MAML3: variants seen among roughly 807,000 people sequenced by gnomAD.
MAML3 encodes the protein mastermind-like protein 3.
A neutral mutation model predicts 101.9 loss-of-function variants in MAML3; 27 were observed. The observed-to-expected ratio is 0.27, with a 90% CI of 0.20 to 0.37. The LOEUF is 0.37. Ranked by LOEUF, MAML3 falls within the 10% of genes least tolerant of loss-of-function variation. The pLI is 1.00. For missense variants in MAML3, 1,316 were observed against 1,444.9 expected, an observed-to-expected ratio of 0.91 and a Z score of 1.45; for synonymous variants, 501 against 555.9, an observed-to-expected ratio of 0.90 and a Z score of 1.39.
intron 1 of MAML3, among the ~76,000 whole-genome samples, chr4:140,024,023 C>G (rs751923443): frequency 3.7e-4 from 57 of 152,142 alleles, no homozygotes; most frequent in Non-Finnish European, 7.1e-4. Context: ...ACAGCAATAG[C>G]TAACACTCAT....
chr4:139,817,128 G>C (rs1271434424), intron 2 of MAML3, among the ~76,000 whole-genome samples: 2 of 152,148 alleles, frequency 1.3e-5, no homozygotes, highest in African/African-American at 2.4e-5. Flanking sequence ...TGGAAATCAA[G>C]ATCTGCCATA....
Position 139,739,679 on chromosome 4 carries a change from G to GTTTCTTTT in MAML3, c.2080-9013_2080-9012insAAAAGAAA, listed in dbSNP as rs200037455. Among the ~76,000 whole-genome samples, 10 of 132,358 alleles carry GTTTCTTTT rather than the reference G, an allele frequency of 7.6e-5. 1 individual carries two copies. The highest frequency in any genetic ancestry group is 5.7e-5 in the African/African-American group (2 of 35,302). 86.8% of individuals were successfully genotyped at this position (132,358 alleles called of 152,430 possible). ...TTAAGAAAGGCAGGGGAGGAAAGCAGTTTTTTTTTTTTTTTCTTTTATGTC... is the reference window on the plus strand; with the variant it reads ...TTAAGAAAGGCAGGGGAGGAAAGCAGTTTCTTTTTTTTTTTTTTTTTTTCTTTTATGTC... On this transcript the variant is annotated intron_variant, in intron 2 of 4. Coordinates refer to ENST00000509479, the MANE Select transcript of MAML3 (RefSeq NM_018717.5).
At chr4:139,994,525 T>G (rs1357360261) in intron 1 of MAML3, among the ~76,000 whole-genome samples, 7 of 152,030 alleles carry the variant, frequency 4.6e-5, no homozygotes. Context: ...TGGAGTAAGG[T>G]GGTGCATGCC....
chr4:140,107,470 T>G (rs1378661110), intron 1 of MAML3, among the ~76,000 whole-genome samples: 1 of 152,008 alleles, frequency 6.6e-6, no homozygotes, highest in African/African-American at 2.4e-5. Flanking sequence ...ATATGTCCTC[T>G]TATTTAGGGT....
intron 1 of MAML3, among the ~76,000 whole-genome samples, chr4:140,001,423 C>A (rs1186983590): frequency 6.6e-6 from 1 of 152,156 alleles, no homozygotes; most frequent in Non-Finnish European, 1.5e-5. Flanking sequence ...TTAAAACATA[C>A]CCCCAAGAGG....
At chr4:139,800,482 T>C (rs186628921) in intron 2 of MAML3, among the ~76,000 whole-genome samples, 90 of 152,282 alleles carry the variant, frequency 5.9e-4, no homozygotes, top group South Asian at 2.1e-3. Context: ...AAAAGAGAAA[T>C]TCATCACTTA....
In MAML3 at chr4:139,802,808, C is replaced by T. The variant is rs1730632087; in HGVS notation, c.2080-72141G>A. 1.3e-5 allele frequency among the ~76,000 whole-genome samples: 2 copies of T among 152,156 alleles called. 1 individual carries two copies. The highest frequency in any genetic ancestry group is 4.1e-4 in the South Asian group (2 of 4,832). ...AATGAAGACAATCATTCCTTCTTAA[C>T]AGGACTGTTGAGAGGATTAAATAAG... On this transcript the variant is annotated intron_variant, in intron 2 of 4. Transcript: ENST00000509479.
chr4:139,927,023 G>C (rs544331261), intron 1 of MAML3, among the ~76,000 whole-genome samples: 3 of 151,230 alleles, frequency 2.0e-5, no homozygotes, highest in African/African-American at 7.3e-5. Flanking sequence ...AAATGATTTT[G>C]TAGAATGTCC....
chr4:139,837,898 CTA>C (rs1731286284), intron 2 of MAML3, among the ~76,000 whole-genome samples: 1 of 152,002 alleles, frequency 6.6e-6, no homozygotes, highest in Non-Finnish European at 1.5e-5. Flanking sequence ...CCAGCCTGTG[CTA>C]CAGAGTGAGA....
At chr4:140,081,083 T>A (rs1048091519) in intron 1 of MAML3, among the ~76,000 whole-genome samples, 3 of 152,218 alleles carry the variant, frequency 2.0e-5, no homozygotes, top group African/African-American at 4.8e-5. Context: ...CTCTCACGTC[T>A]ACTTTACTTT....
chr4:139,815,446 G>A (rs795993), intron 2 of MAML3, among the ~76,000 whole-genome samples: 113,615 of 152,110 alleles, frequency 0.75, 42,573 homozygotes, highest in South Asian at 0.83. Context: ...TGACATTTGC[G>A]TGAGAGGTAA....
In MAML3 at chr4:139,890,083, C is replaced by G; in HGVS notation, c.1353G>C (p.Ala451=). Residue 451 remains alanine (A), a synonymous_variant, in exon 2 of 5, where the codon GCG becomes GCC. Coordinates refer to ENST00000509479, the MANE Select transcript of MAML3 (RefSeq NM_018717.5). This position sits in a 1 kb window ranked among gnomAD's most constrained non-coding sequence, Gnocchi z 4.1. ...AGCTGGGCACAGCCACAGGCCCTGACGCTGAACCGGCCACTGTCACTGCTG... is the reference window on the plus strand; with the variant it reads ...AGCTGGGCACAGCCACAGGCCCTGAGGCTGAACCGGCCACTGTCACTGCTG... ...NPAAVTVAGS[A]SGPVAVPSSD... The G allele has an allele frequency of 6.2e-7, 1 of 1,612,608 alleles. No homozygotes were observed. The highest frequency in any genetic ancestry group is 8.5e-7 in the Non-Finnish European group (1 of 1,179,240).
At chr4:139,732,478 T>G (rs1398516577) in intron 2 of MAML3, among the ~76,000 whole-genome samples, 1 of 151,840 alleles carries the variant, frequency 6.6e-6, no homozygotes, top group East Asian at 1.9e-4. Flanking sequence ...CCTCTTACCC[T>G]AGAAACAATC....
intron 1 of MAML3, among the ~76,000 whole-genome samples, chr4:140,102,283 G>A (rs1035628228): frequency 6.6e-6 from 1 of 152,150 alleles, no homozygotes; most frequent in Non-Finnish European, 1.5e-5. Flanking sequence ...TGGAATCCTA[G>A]AGAGACTTCA....
At chr4:139,766,405 C>T (rs1482532762) in intron 2 of MAML3, among the ~76,000 whole-genome samples, 3 of 152,190 alleles carry the variant, frequency 2.0e-5, no homozygotes, top group Non-Finnish European at 4.4e-5. Context: ...CTACAGACCT[C>T]AGGTGATCCA....
intron 1 of MAML3, among the ~76,000 whole-genome samples, chr4:139,986,042 A>G (rs1048195736): frequency 5.3e-5 from 8 of 152,200 alleles, no homozygotes; most frequent in African/African-American, 1.9e-4. Flanking sequence ...AGCCCTCATT[A>G]TGTTTCTTCC....
chr4:140,095,026 G>A (rs1162139051), intron 1 of MAML3, among the ~76,000 whole-genome samples: 1 of 152,212 alleles, frequency 6.6e-6, no homozygotes, highest in Non-Finnish European at 1.5e-5. Context: ...GCCCCTGACT[G>A]CAGCAGAGGT....
At chr4:140,127,791 G>C (rs561491368) in intron 1 of MAML3, among the ~76,000 whole-genome samples, 31 of 152,288 alleles carry the variant, frequency 2.0e-4, no homozygotes, top group African/African-American at 6.3e-4. Flanking sequence ...TACAGGTGGG[G>C]AAATGAGGCC....
rs569229329 is a variant in MAML3 at position 139,809,111 on chromosome 4, A to G, written c.2080-78444T>C. On this transcript the variant is annotated intron_variant, in intron 2 of 4. Coordinates refer to ENST00000509479, the MANE Select transcript of MAML3 (RefSeq NM_018717.5). ...GGGTTCTTATTTCATCTCCAGAAAAAGGAACTCTGCTGGAATGTTATCAGG... is the reference window on the plus strand; with the variant it reads ...GGGTTCTTATTTCATCTCCAGAAAAGGGAACTCTGCTGGAATGTTATCAGG... Among the ~76,000 whole-genome samples, 3 of 152,312 alleles carry G rather than the reference A, an allele frequency of 2.0e-5. No homozygotes were observed. In the East Asian group the frequency reaches 5.8e-4, roughly 29 times the overall value.
Sources: allele counts gnomAD v4.1 joint callset (sites outside exome capture counted in the v4.1 genomes callset), GRCh38; gene constraint gnomAD v4.1.1; non-coding constraint Gnocchi (gnomAD v3.1); transcripts MANE v1.5; gene names NCBI Gene and HGNC (gene_info 2026-07-23, HGNC 2026-07-21).